Variants in SEMA4F observed in about 807,000 individuals in gnomAD.
SEMA4F encodes the protein semaphorin-4F.
Under a neutral mutation model 78.4 loss-of-function variants are expected in SEMA4F, and 51 were observed. The ratio of observed to expected loss-of-function variants is 0.65; its 90% CI spans 0.52 to 0.82. The LOEUF (loss-of-function observed/expected upper bound fraction) is 0.82. Ranked by LOEUF, SEMA4F falls within the 40% of genes least tolerant of loss-of-function variation. SEMA4F has a pLI of 0.00. For missense variants in SEMA4F, 938 were observed against 1,014.4 expected, an observed-to-expected ratio of 0.92 and a Z score of 1.02; for synonymous variants, 418 against 408.7, an observed-to-expected ratio of 1.02 and a Z score of -0.27.
At chr2:74,708,110 C>T in the SEMA4F span, among the ~76,000 whole-genome samples, 1 of 151,862 alleles carries the variant, frequency 6.6e-6, no homozygotes, top group African/African-American at 2.4e-5. Flanking sequence ...TAACCCTAGA[C>T]TGAGCACTTC....
In SEMA4F at chr2:74,680,150, C is replaced by G; in HGVS notation, c.2254C>G (p.Pro752Ala). The G allele has an allele frequency of 3.7e-6, 6 of 1,603,724 alleles. No homozygotes were observed. Among genetic ancestry groups the G allele is most frequent in the Non-Finnish European group, 5.1e-6 (6 of 1,171,768 alleles). ...PPFLLDPCPS[P>A]AHIRLTGAPL... ...CTTCCTGCTTGATCCTTGCCCAAGC[C>G]CAGCCCACATTCGGCTAACTGGGGC... Residue 752 changes from proline (P) to alanine (A), a missense_variant, in exon 14 of 14, where the codon CCA (proline) becomes GCA (alanine). By Grantham distance (27) the Pro-to-Ala change is conservative. Transcript: ENST00000357877.
At chr2:74,706,496 G>A in the SEMA4F span, among the ~76,000 whole-genome samples, 1 of 152,130 alleles carries the variant, frequency 6.6e-6, no homozygotes, top group Non-Finnish European at 1.5e-5. Context: ...ATCAGGGAGT[G>A]AGATCTGATG....
At chr2:74,690,125 C>A in the SEMA4F span, among the ~76,000 whole-genome samples, 5 of 152,192 alleles carry the variant, frequency 3.3e-5, no homozygotes, top group African/African-American at 1.2e-4. Context: ...CTGAAACACC[C>A]CACGGTTCCC....
chr2:74,706,214 A>G, the SEMA4F span, among the ~76,000 whole-genome samples: 1 of 152,198 alleles, frequency 6.6e-6, no homozygotes, highest in East Asian at 1.9e-4. Flanking sequence ...TTTCCAGTTT[A>G]CAGATAAGGG....
chr2:74,656,473 C>G (rs148363820), intron 1 of SEMA4F, 61 bp from the exon 2 acceptor site: 1 of 1,558,400 alleles, frequency 6.4e-7, no homozygotes, highest in Non-Finnish European at 8.7e-7. Flanking sequence ...TTTGGTTTTG[C>G]TCTTGTGGAC....
chr2:74,676,620 A>G (rs1004023601), intron 12 of SEMA4F, among the ~76,000 whole-genome samples: 3 of 152,038 alleles, frequency 2.0e-5, no homozygotes, highest in Admixed American at 2.0e-4. Flanking sequence ...AATTGCCCAC[A>G]TCGTATTATG....
chr2:74,669,252 C>T (rs949405718), intron 5 of SEMA4F, among the ~76,000 whole-genome samples: 10 of 151,832 alleles, frequency 6.6e-5, no homozygotes, highest in Admixed American at 2.0e-4. Context: ...AGGCTGTTCA[C>T]GCCACTTCAC....
At chr2:74,707,220 A>T in the SEMA4F span, among the ~76,000 whole-genome samples, 1 of 152,224 alleles carries the variant, frequency 6.6e-6, no homozygotes, top group Non-Finnish European at 1.5e-5. Context: ...TTTGTTAATT[A>T]TACTGTAGTT....
chr2:74,696,805 G>A, the SEMA4F span, among the ~76,000 whole-genome samples: 3 of 152,062 alleles, frequency 2.0e-5, no homozygotes, highest in Non-Finnish European at 4.4e-5. Context: ...ATATATCAAG[G>A]AGATCCTTCC....
At chr2:74,679,484 T>A (rs1685469238) in intron 13 of SEMA4F, 115 bp from the exon 14 acceptor site, 1 of 1,498,220 alleles carries the variant, frequency 6.7e-7, no homozygotes, top group Middle Eastern at 1.9e-4. Flanking sequence ...AGGAATCCCC[T>A]TTTTAGCTTA....
downstream of SEMA4F, among the ~76,000 whole-genome samples, chr2:74,684,088 C>A (rs915234544): frequency 7.0e-6 from 1 of 142,390 alleles, no homozygotes; most frequent in Non-Finnish European, 1.6e-5. Context: ...ACCAAATTAA[C>A]TTTTTTTTTT....
chr2:74,654,413 G>A lies in SEMA4F; in HGVS notation c.37G>A (p.Gly13Arg), dbSNP rs759101252. ...ASAARPRPGP[G>R]QPTASPFPLL... ...TGCTGCGCGGCCCCGCCCGGGTCCCGGGCAGCCTACAGCCTCGCCCTTCCC... is the reference window on the plus strand; with the variant it reads ...TGCTGCGCGGCCCCGCCCGGGTCCCAGGCAGCCTACAGCCTCGCCCTTCCC... The change falls in exon 1 of 14, where the codon GGG (glycine) becomes AGG (arginine). Residue 13 changes from glycine to arginine, a missense_variant. Physicochemically the swap from Gly to Arg is moderately radical, Grantham distance 125. Coordinates refer to ENST00000357877, the MANE Select transcript of SEMA4F (RefSeq NM_004263.5). 1.3e-6 allele frequency: 2 copies of A among 1,541,434 alleles called. No individual in the cohort carries two copies. The highest frequency in any genetic ancestry group is 1.7e-6 in the Non-Finnish European group (2 of 1,151,742).
rs147058654 is a variant in SEMA4F at position 74,655,931 on chromosome 2, T to G, written c.146-603T>G. On this transcript the variant is annotated intron_variant, in intron 1 of 13. Transcript: ENST00000357877. ...AGGGTAGGGTCCCCAGAACCAGAGG[T>G]TGAGCTAGGAAGGTAAATTCATGCC... Among the ~76,000 whole-genome samples the G allele has an allele frequency of 1.5e-4, 23 of 152,202 alleles. No individual in the cohort carries two copies. In the East Asian group the frequency reaches 4.4e-3, roughly 29 times the overall value.
At chr2:74,689,768 A>G in the SEMA4F span, among the ~76,000 whole-genome samples, 5 of 152,326 alleles carry the variant, frequency 3.3e-5, no homozygotes, top group African/African-American at 1.2e-4. Context: ...GTGTTTTCCT[A>G]TTGAACATAA....
the SEMA4F span, among the ~76,000 whole-genome samples, chr2:74,703,642 C>T: frequency 6.6e-6 from 1 of 152,236 alleles, no homozygotes; most frequent in South Asian, 2.1e-4. Flanking sequence ...ACAATAGCTT[C>T]AGTGGATCCC....
chr2:74,677,182 G>C (rs1685337504), intron 12 of SEMA4F, among the ~76,000 whole-genome samples: 1 of 152,214 alleles, frequency 6.6e-6, no homozygotes, highest in Non-Finnish European at 1.5e-5. Context: ...GATTACAGGT[G>C]TGAGCCACTG....
rs1393276017 is a variant in SEMA4F at position 74,679,883 on chromosome 2, C to T, written c.1987C>T (p.Leu663=). Residue 663 remains leucine (L), a synonymous_variant, in exon 14 of 14, where the codon CTG becomes TTG. Transcript: ENST00000357877. ...CCGGGCCCACACAGTGGGGGCGGGA[C>T]TGGCTGGCTTCTTCTTGGGGATTCT... ...PSRAHTVGAG[L]AGFFLGILAA... The T allele has an allele frequency of 6.2e-7, 1 of 1,614,228 alleles. No homozygotes were observed. Among genetic ancestry groups the T allele is most frequent in the East Asian group, 2.2e-5 (1 of 44,880 alleles).
At chr2:74,690,232 AC>A in the SEMA4F span, among the ~76,000 whole-genome samples, 2 of 152,186 alleles carry the variant, frequency 1.3e-5, no homozygotes, top group African/African-American at 4.8e-5. Context: ...AGCAATGACA[AC>A]CAGTACTATC....
intron 5 of SEMA4F, among the ~76,000 whole-genome samples, chr2:74,671,302 G>A (rs373259933): frequency 2.0e-5 from 3 of 152,218 alleles, no homozygotes; most frequent in East Asian, 3.9e-4. Flanking sequence ...TCTGCATAGA[G>A]TGTTTCTTCA....
Sources: gnomAD v4.1 joint callset for allele counts (sites outside exome capture counted in the v4.1 genomes callset) on GRCh38, gnomAD v4.1.1 for gene constraint, MANE v1.5 for transcripts, NCBI Gene and HGNC (gene_info 2026-07-23, HGNC 2026-07-21) for gene names.